The following ZMAT4 variants were observed in gnomAD, a reference collection of about 807,000 sequenced individuals.
ZMAT4 encodes the protein zinc finger matrin-type protein 4.
Under a neutral mutation model 28.7 loss-of-function variants are expected in ZMAT4, and 17 were observed. The observed-to-expected ratio is 0.59, with a 90% CI of 0.41 to 0.89. ZMAT4 has a LOEUF of 0.89. ZMAT4 is among the 40% of genes least tolerant of loss of function. The pLI, the probability that ZMAT4 is intolerant of heterozygous loss-of-function variation, is 0.00. For synonymous variants in ZMAT4, 117 were observed against 109.2 expected, an observed-to-expected ratio of 1.07 and a Z score of -0.44; for missense variants, 240 against 283.8, an observed-to-expected ratio of 0.85 and a Z score of 1.11.
At chr8:40,845,024 A>G (rs1247102588) in intron 1 of ZMAT4, among the ~76,000 whole-genome samples, 1 of 152,206 alleles carries the variant, frequency 6.6e-6, no homozygotes, top group African/African-American at 2.4e-5. Context: ...CACCAGAAAG[A>G]CAAAAGCAAG....
chr8:40,701,058 C>T (rs1440399154), intron 3 of ZMAT4, among the ~76,000 whole-genome samples: 2 of 152,046 alleles, frequency 1.3e-5, no homozygotes, highest in Non-Finnish European at 2.9e-5. Flanking sequence ...AGGTCTATGG[C>T]AACCCACCAT....
chr8:40,811,996 T>TTGTGC (rs1554562121), intron 2 of ZMAT4, among the ~76,000 whole-genome samples: 63 of 152,106 alleles, frequency 4.1e-4, no homozygotes, highest in African/African-American at 1.5e-3. Context: ...CCAGGCGTGG[T>TTGTGC]GGTGCGCACC....
intron 3 of ZMAT4, among the ~76,000 whole-genome samples, chr8:40,764,063 C>T (rs1334749761): frequency 3.3e-5 from 5 of 151,614 alleles, no homozygotes. Context: ...TCATTTTTTC[C>T]CAAAGCATCT....
intron 3 of ZMAT4, among the ~76,000 whole-genome samples, chr8:40,733,648 T>G (rs1177001664): frequency 6.6e-6 from 1 of 152,202 alleles, no homozygotes; most frequent in Non-Finnish European, 1.5e-5. Flanking sequence ...CCTTAGGCAC[T>G]GCTTTCAGAT....
chr8:40,607,763 C>A (rs1206511613), intron 5 of ZMAT4, among the ~76,000 whole-genome samples: 1 of 152,120 alleles, frequency 6.6e-6, no homozygotes, highest in Non-Finnish European at 1.5e-5. Context: ...AGTGATGTGA[C>A]TTTCTGAGAG....
chr8:40,716,169 G>C (rs4599795), intron 3 of ZMAT4, among the ~76,000 whole-genome samples: 13 of 151,984 alleles, frequency 8.6e-5, no homozygotes, highest in Non-Finnish European at 1.9e-4. Flanking sequence ...TTCATGATAC[G>C]CAGAAAAGAA....
At chr8:40,871,736 CAGCA>C (rs1563257493) in intron 1 of ZMAT4, among the ~76,000 whole-genome samples, 3 of 152,198 alleles carry the variant, frequency 2.0e-5, no homozygotes, top group Non-Finnish European at 2.9e-5. Flanking sequence ...CCTTCATTGA[CAGCA>C]TGCACAATTT....
intron 5 of ZMAT4, among the ~76,000 whole-genome samples, chr8:40,648,567 C>A (rs1807469382): frequency 7.9e-6 from 1 of 127,164 alleles, no homozygotes; most frequent in Non-Finnish European, 1.7e-5. Context: ...TCAGGAAATA[C>A]AGAGAACGCC....
intron 5 of ZMAT4, among the ~76,000 whole-genome samples, chr8:40,627,894 G>C (rs1806432444): frequency 1.3e-5 from 2 of 152,204 alleles, no homozygotes; most frequent in African/African-American, 4.8e-5. Context: ...GAGCCTGAGG[G>C]ATTTAAGGCT....
chr8:40,803,778 C>T (rs552445486), intron 2 of ZMAT4, among the ~76,000 whole-genome samples: 39 of 152,212 alleles, frequency 2.6e-4, no homozygotes, highest in South Asian at 1.5e-3. Context: ...AGCCTGCACA[C>T]GAATATTTAT....
In ZMAT4 at chr8:40,653,631, T is replaced by C. The variant is rs558839199; in HGVS notation, c.577+21073A>G. Among the ~76,000 whole-genome samples, 98 of 152,194 alleles carry C rather than the reference T, an allele frequency of 6.4e-4. 2 individuals are homozygous for C. Among genetic ancestry groups the C allele is most frequent in the African/African-American group, 2.3e-3 (96 of 41,546 alleles). On this transcript the variant is annotated intron_variant, in intron 5 of 6. Coordinates refer to ENST00000297737, the MANE Select transcript of ZMAT4 (RefSeq NM_024645.3). The stretch of plus-strand genomic sequence containing the variant: ...TAGAAAGGATTGTTAGTTAATACTA[T>C]GGAAAATTGCATGCCAATAAATAAG...
intron 5 of ZMAT4, among the ~76,000 whole-genome samples, chr8:40,653,219 C>T (rs1315024918): frequency 5.3e-5 from 8 of 151,542 alleles, no homozygotes; most frequent in East Asian, 1.9e-4. Context: ...AAAATGAAAA[C>T]GATATATCCA....
At chr8:40,802,646 T>C (rs1247118480) in intron 2 of ZMAT4, among the ~76,000 whole-genome samples, 1 of 152,144 alleles carries the variant, frequency 6.6e-6, no homozygotes, top group Non-Finnish European at 1.5e-5. Flanking sequence ...CCCAATTTAT[T>C]CTATAGATTC....
At chr8:40,866,548 A>C (rs1029533964) in intron 1 of ZMAT4, among the ~76,000 whole-genome samples, 2 of 152,190 alleles carry the variant, frequency 1.3e-5, no homozygotes, top group East Asian at 3.9e-4. Context: ...TTGGTGTTTT[A>C]TAGATTACTG....
chr8:40,630,029 C>G (rs1268410371), intron 5 of ZMAT4, among the ~76,000 whole-genome samples: 1 of 152,152 alleles, frequency 6.6e-6, no homozygotes, highest in Non-Finnish European at 1.5e-5. Flanking sequence ...TATCTCCCCT[C>G]AGAAAACTTA....
intron 1 of ZMAT4, among the ~76,000 whole-genome samples, chr8:40,831,708 C>T (rs1188761495): frequency 6.6e-6 from 1 of 152,214 alleles, no homozygotes; most frequent in Non-Finnish European, 1.5e-5. Flanking sequence ...GACACTTCAA[C>T]TGAAGAGCAG....
At chr8:40,847,871 G>A (rs1034156052) in intron 1 of ZMAT4, among the ~76,000 whole-genome samples, 2 of 152,148 alleles carry the variant, frequency 1.3e-5, no homozygotes, top group Non-Finnish European at 2.9e-5. Flanking sequence ...AGAAAACCCT[G>A]AGGTCAGCCT....
intron 1 of ZMAT4, among the ~76,000 whole-genome samples, chr8:40,853,427 G>T (rs1817185113): frequency 6.6e-6 from 1 of 152,032 alleles, no homozygotes; most frequent in Non-Finnish European, 1.5e-5. Flanking sequence ...GTGGTGGCAG[G>T]CACCTGTAAT....
chr8:40,775,215 C>T (rs2150567521), intron 2 of ZMAT4, among the ~76,000 whole-genome samples: 1 of 152,330 alleles, frequency 6.6e-6, no homozygotes, highest in Non-Finnish European at 1.5e-5. Flanking sequence ...AGAATTAAGA[C>T]CATTGTGTAA....
Sources: allele counts gnomAD v4.1 joint callset (sites outside exome capture counted in the v4.1 genomes callset), GRCh38; gene constraint gnomAD v4.1.1; transcripts MANE v1.5; gene names NCBI Gene and HGNC (gene_info 2026-07-23, HGNC 2026-07-21).